Variants in USP12 observed in about 807,000 individuals in gnomAD.
USP12 encodes ubiquitin specific peptidase 12.
Under a neutral mutation model 45.5 loss-of-function variants are expected in USP12, and 19 were observed. The observed-to-expected ratio is 0.42, with a 90% CI of 0.29 to 0.61. The LOEUF (loss-of-function observed/expected upper bound fraction) is 0.61. USP12 is among the 20% of genes least tolerant of loss of function. USP12 has a pLI of 0.22. For missense variants in USP12, 242 were observed against 447.7 expected, an observed-to-expected ratio of 0.54 and a Z score of 4.15; for synonymous variants, 149 against 148.8, an observed-to-expected ratio of 1.00 and a Z score of -0.01.
chr13:27,164,167 G>T (rs571718302), intron 1 of USP12, among the ~76,000 whole-genome samples: 4 of 151,854 alleles, frequency 2.6e-5, no homozygotes, highest in African/African-American at 9.7e-5. Flanking sequence ...AAAATCAAAG[G>T]CAACAGTACT....
chr13:27,155,842 A>G (rs1177349718), intron 1 of USP12, among the ~76,000 whole-genome samples: 1 of 152,256 alleles, frequency 6.6e-6, no homozygotes, highest in Non-Finnish European at 1.5e-5. Flanking sequence ...TGTAAACTTT[A>G]GCCTGCCTAA....
At chr13:27,136,899 A>G (rs1424177228) in intron 1 of USP12, among the ~76,000 whole-genome samples, 3 of 152,226 alleles carry the variant, frequency 2.0e-5, no homozygotes, top group Admixed American at 6.5e-5. Context: ...AAGACACAAC[A>G]TTGGTCAAGA....
chr13:27,073,938 T>C (rs974209916), intron 7 of USP12, among the ~76,000 whole-genome samples: 12 of 152,206 alleles, frequency 7.9e-5, no homozygotes, highest in African/African-American at 2.7e-4. Flanking sequence ...CAAGGTTCTT[T>C]AAGTAATCTT....
chr13:27,128,279 T>C (rs148837487), intron 1 of USP12, among the ~76,000 whole-genome samples: 1 of 152,358 alleles, frequency 6.6e-6, no homozygotes, highest in African/African-American at 2.4e-5. Context: ...GTAACAGTAG[T>C]AATAATACTG....
intron 3 of USP12, among the ~76,000 whole-genome samples, chr13:27,099,326 C>A (rs1874749198): frequency 2.0e-5 from 3 of 152,114 alleles, no homozygotes; most frequent in Admixed American, 2.0e-4. Flanking sequence ...TCCACTTCCT[C>A]GCTCCCTGTC....
intron 1 of USP12, among the ~76,000 whole-genome samples, chr13:27,147,518 T>C (rs1196796648): frequency 6.6e-6 from 1 of 152,134 alleles, no homozygotes; most frequent in Non-Finnish European, 1.5e-5. Context: ...TAGCATAAAC[T>C]AGAATTTAAG....
Position 27,148,676 on chromosome 13 carries a change from T to TATA in USP12, c.48+22915_48+22916insTAT, listed in dbSNP as rs1555238403. 1.7e-4 allele frequency among the ~76,000 whole-genome samples: 24 copies of TATA among 139,432 alleles called. 1 individual carries two copies. Among genetic ancestry groups the TATA allele is most frequent in the Admixed American group, 1.4e-3 (19 of 13,722 alleles). 91.5% of individuals were successfully genotyped at this position (139,432 alleles called of 152,430 possible). A position where few individuals can be genotyped will look rare whatever the true frequency, so the allele number is the denominator to read the frequency against. ...GTGACAGAGACTCAAAAAAAAAAAA[T>TATA]TATATATATATATATAATATAAATA... is the stretch of plus-strand genomic sequence containing the variant. On this transcript the variant is annotated intron_variant, in intron 1 of 8. Transcript: ENST00000282344.
At chr13:27,137,820 T>C (rs1019452073) in intron 1 of USP12, among the ~76,000 whole-genome samples, 1 of 152,216 alleles carries the variant, frequency 6.6e-6, no homozygotes, top group African/African-American at 2.4e-5. Context: ...TAAGACTCCA[T>C]ACTGCTAGCA....
At chr13:27,097,290 A>G (rs1158132137) in intron 3 of USP12, among the ~76,000 whole-genome samples, 1 of 152,196 alleles carries the variant, frequency 6.6e-6, no homozygotes, top group Non-Finnish European at 1.5e-5. Flanking sequence ...ACATGGTGAA[A>G]GTCCGTCTCT....
intron 6 of USP12, among the ~76,000 whole-genome samples, chr13:27,088,604 G>A (rs1874178161): frequency 6.6e-6 from 1 of 152,022 alleles, no homozygotes; most frequent in African/African-American, 2.4e-5. Context: ...CTGGAATTTG[G>A]GGGCATGGTA....
rs187852828 is a variant in USP12, at chr13:27,141,311, G to A, written c.49-24715C>T. ...ATTACAGGCGTGAGCCACCATGTCC[G>A]GCTGTGAAGTCACTTTTTAAAACAT... On this transcript the variant is annotated intron_variant, in intron 1 of 8. Transcript: ENST00000282344. 5.3e-4 allele frequency among the ~76,000 whole-genome samples: 81 copies of A among 152,080 alleles called. 2 individuals are homozygous for A. Among genetic ancestry groups the A allele is most frequent in the South Asian group, 4.2e-3 (20 of 4,798 alleles).
intron 4 of USP12, among the ~76,000 whole-genome samples, chr13:27,093,613 T>C (rs143684242): frequency 2.8e-4 from 42 of 152,348 alleles, no homozygotes; most frequent in African/African-American, 9.6e-4. Context: ...GACAGAATGT[T>C]GGTTTCTTAT....
intron 6 of USP12, 118 bp from the exon 7 acceptor site, chr13:27,075,506 C>T: frequency 2.3e-6 from 2 of 880,578 alleles, no homozygotes; most frequent in East Asian, 2.7e-5. Context: ...AATAGCCCAG[C>T]AATGCCCAGT....
intron 3 of USP12, among the ~76,000 whole-genome samples, chr13:27,097,979 T>C (rs1874672838): frequency 8.5e-6 from 1 of 117,910 alleles, no homozygotes; most frequent in Admixed American, 1.2e-4. Context: ...TAACTTTATA[T>C]AGTACTTTTT....
intron 1 of USP12, among the ~76,000 whole-genome samples, chr13:27,168,688 C>G (rs1878454244): frequency 6.6e-6 from 1 of 152,136 alleles, no homozygotes; most frequent in Non-Finnish European, 1.5e-5. Flanking sequence ...GCAATCTAAA[C>G]ATAATCACTC....
chr13:27,149,224 G>C (rs1184665888), intron 1 of USP12, among the ~76,000 whole-genome samples: 1 of 152,118 alleles, frequency 6.6e-6, no homozygotes, highest in Non-Finnish European at 1.5e-5. Context: ...TAAAATAAAA[G>C]AGGAAAAGAG....
intron 1 of USP12, among the ~76,000 whole-genome samples, chr13:27,136,821 A>G (rs1182739480): frequency 6.6e-6 from 1 of 152,240 alleles, no homozygotes; most frequent in Non-Finnish European, 1.5e-5. Flanking sequence ...ACAATATTTA[A>G]GTAATAAAAT....
Position 27,129,827 on chromosome 13 carries a change from G to A in USP12, c.49-13231C>T, listed in dbSNP as rs1449698691. Among the ~76,000 whole-genome samples the A allele has an allele frequency of 6.6e-6, 1 of 152,192 alleles. No homozygotes were observed. The highest frequency in any genetic ancestry group is 1.9e-4 in the East Asian group (1 of 5,200). ...AAGAAAGCACCACTCTTTGATAAAT[G>A]GTGGGGAAGTAGAAAAGAACTGGCT... On this transcript the variant is annotated intron_variant, in intron 1 of 8. Transcript: ENST00000282344. The surrounding 1 kb of genome is among the most constrained non-coding windows in gnomAD (Gnocchi z 4.0).
intron 1 of USP12, among the ~76,000 whole-genome samples, chr13:27,132,614 G>A (rs1382603327): frequency 6.6e-6 from 1 of 152,114 alleles, no homozygotes; most frequent in Non-Finnish European, 1.5e-5. Flanking sequence ...ATCTCAAGAG[G>A]GTTTCCTCTG....
Sources: gnomAD v4.1 joint callset for allele counts (sites outside exome capture counted in the v4.1 genomes callset) on GRCh38, gnomAD v4.1.1 for gene constraint, Gnocchi (gnomAD v3.1) non-coding constraint, MANE v1.5 for transcripts, NCBI Gene and HGNC (gene_info 2026-07-23, HGNC 2026-07-21) for gene names.